The following TFCP2 variants were observed in gnomAD, a reference collection of about 807,000 sequenced individuals.
The protein encoded by TFCP2 is alpha-globin transcription factor CP2.
In TFCP2, 33 loss-of-function variants were observed where a neutral mutation model predicts 73.4. The observed-to-expected ratio is 0.45, with a 90% CI of 0.34 to 0.60. The LOEUF is 0.60. Among genes scored for constraint, TFCP2 ranks in the 20% least tolerant of loss-of-function variants. TFCP2 has a pLI of 0.01. For missense variants in TFCP2, 352 were observed against 604.0 expected (o/e 0.58, Z 4.37); for synonymous variants, 193 against 211.6 (o/e 0.91, Z 0.76).
chr12:51,096,486 G>A (rs1188004861), intron 13 of TFCP2, among the ~76,000 whole-genome samples: 1 of 152,142 alleles, frequency 6.6e-6, no homozygotes, highest in Non-Finnish European at 1.5e-5. Flanking sequence ...CACCCTCCCA[G>A]GATCCTAATA....
At chr12:51,111,860 A>T (rs1277765962) in intron 4 of TFCP2, among the ~76,000 whole-genome samples, 1 of 151,398 alleles carries the variant, frequency 6.6e-6, no homozygotes, top group Non-Finnish European at 1.5e-5. Context: ...ATCTCAAAAA[A>T]AAAAATTATT....
At chr12:51,111,514 T>C (rs1284406759) in intron 4 of TFCP2, among the ~76,000 whole-genome samples, 1 of 152,146 alleles carries the variant, frequency 6.6e-6, no homozygotes, top group African/African-American at 2.4e-5. Context: ...AGTACTTTGC[T>C]TGAGCACCTT....
chr12:51,099,676 C>T lies in TFCP2; in HGVS notation c.1255G>A (p.Asp419Asn), dbSNP rs770075327. The change falls in exon 12 of 15, where the codon GAC (aspartate) becomes AAC (asparagine). Residue 419 changes from aspartate (D) to asparagine (N), a missense_variant. By Grantham distance (23) the Asp-to-Asn change is conservative (BLOSUM62 1). Around this residue, in one of 6 missense-constraint regions of TFCP2, gnomAD observed 194 missense variants for 256.3 expected, o/e 0.76. Transcript: ENST00000257915. ...QQQQQKHEDGDSNGTFFVYHA... is the reference protein window; with the variant it reads ...QQQQQKHEDGNSNGTFFVYHA... ...CTACCGAAGAAAGTACCATTTGAGT[C>T]TCCATCCTCATGCTTCTGCTGCTGT... is the stretch of plus-strand genomic sequence containing the variant. The T allele has an allele frequency of 6.2e-7, 1 of 1,614,192 alleles. No homozygotes were observed.
At chr12:51,156,347 G>GA (rs1319695861) in intron 1 of TFCP2, among the ~76,000 whole-genome samples, 1 of 151,938 alleles carries the variant, frequency 6.6e-6, no homozygotes, top group Non-Finnish European at 1.5e-5. Context: ...GAAGCAAGGG[G>GA]GGGGGAGGTG....
Position 51,158,445 on chromosome 12 carries a change from C to T in TFCP2, c.122+13856G>A, listed in dbSNP as rs150022262. Reference sequence around the variant, plus strand: ...ATAATGACTTCTTAATTTCTCCCATCTATTTGGTTCCTTTTGATCATCCTA... The same window carrying T: ...ATAATGACTTCTTAATTTCTCCCATTTATTTGGTTCCTTTTGATCATCCTA... On this transcript the variant is annotated intron_variant, in intron 1 of 14. Coordinates refer to ENST00000257915, the MANE Select transcript of TFCP2 (RefSeq NM_005653.5). 1.5e-3 allele frequency among the ~76,000 whole-genome samples: 236 copies of T among 152,276 alleles called. 1 individual carries two copies. The Middle Eastern group carries it at 0.02, about 13-fold the overall frequency.
At chr12:51,146,587 T>C (rs1289589813) in intron 1 of TFCP2, among the ~76,000 whole-genome samples, 2 of 152,168 alleles carry the variant, frequency 1.3e-5, no homozygotes, top group Non-Finnish European at 2.9e-5. Context: ...CCTCTAAGTA[T>C]ACTAGAACAA....
intron 1 of TFCP2, among the ~76,000 whole-genome samples, chr12:51,131,662 T>A (rs1389702549): frequency 4.6e-5 from 7 of 152,072 alleles, no homozygotes; most frequent in African/African-American, 7.2e-5. Context: ...TACCAATAAC[T>A]CCCTTTAAAA....
chr12:51,104,004 C>T (rs1255296020), intron 9 of TFCP2, 151 bp downstream of exon 9: 2 of 837,082 alleles, frequency 2.4e-6, no homozygotes, highest in South Asian at 1.5e-5. Flanking sequence ...GTCCCTAGCA[C>T]AGTATCTGGT....
chr12:51,159,052 G>A (rs1272144212), intron 1 of TFCP2, among the ~76,000 whole-genome samples: 3 of 146,486 alleles, frequency 2.0e-5, no homozygotes, highest in Admixed American at 6.8e-5. Context: ...GGTGGTAGGC[G>A]CCTTTAATCA....
At chr12:51,109,915 C>T (rs1222485707) in intron 5 of TFCP2, among the ~76,000 whole-genome samples, 1 of 152,008 alleles carries the variant, frequency 6.6e-6, no homozygotes, top group Non-Finnish European at 1.5e-5. Flanking sequence ...GACAGGTTTT[C>T]GCCATGTTGG....
At chr12:51,102,419 C>T (rs1940132030) in intron 10 of TFCP2, among the ~76,000 whole-genome samples, 1 of 151,768 alleles carries the variant, frequency 6.6e-6, no homozygotes, top group African/African-American at 2.4e-5. Flanking sequence ...ATAGCAAGAC[C>T]CCATCTCTTA....
intron 8 of TFCP2, 103 bp from the exon 9 acceptor site, chr12:51,104,306 A>G (rs1421565293): frequency 2.0e-6 from 2 of 984,662 alleles, no homozygotes; most frequent in Admixed American, 2.5e-5. Flanking sequence ...AGATTAAAAA[A>G]AAATCTGTGC....
intron 1 of TFCP2, chr12:51,124,916 G>T: frequency 2.3e-6 from 2 of 881,242 alleles, no homozygotes; most frequent in Non-Finnish European, 1.9e-6. Flanking sequence ...AGGACACGTC[G>T]TCCAGGATGA....
At chr12:51,111,039 A>C (rs113077715) in intron 4 of TFCP2, 56 bp from the exon 5 acceptor site, 10 of 1,219,742 alleles carry the variant, frequency 8.2e-6, no homozygotes, top group African/African-American at 1.5e-5. Flanking sequence ...AGTTTTAAAT[A>C]AGAAAGCATT....
At chr12:51,126,669 A>G (rs918380930) in intron 1 of TFCP2, among the ~76,000 whole-genome samples, 6 of 152,188 alleles carry the variant, frequency 3.9e-5, no homozygotes, top group African/African-American at 1.4e-4. Flanking sequence ...ACTTGGGACA[A>G]TAAGATGTCA....
intron 12 of TFCP2, 62 bp from the exon 13 acceptor site, chr12:51,098,980 G>A (rs924254458): frequency 6.4e-7 from 1 of 1,559,872 alleles, no homozygotes; most frequent in Non-Finnish European, 8.7e-7. Context: ...CAGGTAACTT[G>A]ATCACTAGGA....
intron 4 of TFCP2, among the ~76,000 whole-genome samples, chr12:51,114,651 T>C (rs192310211): frequency 6.6e-6 from 1 of 151,640 alleles, no homozygotes; most frequent in East Asian, 1.9e-4. Context: ...AAAGAAAATA[T>C]ATAAATGGCC....
intron 1 of TFCP2, among the ~76,000 whole-genome samples, chr12:51,157,371 C>T (rs1289164029): frequency 6.6e-6 from 1 of 151,970 alleles, no homozygotes; most frequent in Non-Finnish European, 1.5e-5. Flanking sequence ...GGTAGAATGC[C>T]GTGGAACAAT....
chr12:51,121,849 G>A (rs532637587), intron 1 of TFCP2, among the ~76,000 whole-genome samples: 13 of 152,162 alleles, frequency 8.5e-5, no homozygotes, highest in African/African-American at 3.1e-4. Context: ...AGCTTCTAAA[G>A]AGACAAAAAT....
Sources: allele counts gnomAD v4.1 joint callset (sites outside exome capture counted in the v4.1 genomes callset), GRCh38; gene constraint gnomAD v4.1.1; regional missense constraint gnomAD v4.1.1; transcripts MANE v1.5; gene names NCBI Gene and HGNC (gene_info 2026-07-23, HGNC 2026-07-21).